TMEM120B: variants seen among roughly 807,000 people sequenced by gnomAD.
The protein encoded by TMEM120B is transmembrane protein 120B.
A neutral mutation model predicts 55.5 loss-of-function variants in TMEM120B; 31 were observed. That is an observed-to-expected ratio of 0.56 (90% CI 0.42 to 0.75). The LOEUF (loss-of-function observed/expected upper bound fraction) is 0.75, where lower values mean the gene tolerates loss of function less well. TMEM120B is among the 30% of genes least tolerant of loss of function. The pLI, the probability that TMEM120B is intolerant of heterozygous loss-of-function variation, is 0.00. For synonymous variants in TMEM120B, 203 were observed against 176.3 expected (o/e 1.15, Z -1.20); for missense variants, 399 against 425.5 (o/e 0.94, Z 0.55).
intron 3 of TMEM120B, among the ~76,000 whole-genome samples, chr12:121,749,317 C>T (rs1314094624): frequency 1.3e-5 from 2 of 152,212 alleles, no homozygotes; most frequent in Non-Finnish European, 2.9e-5. Flanking sequence ...GTCTGCCTTC[C>T]TGCCCCTCTG....
At chr12:121,720,971 A>G (rs954852673) in intron 1 of TMEM120B, among the ~76,000 whole-genome samples, 1 of 152,158 alleles carries the variant, frequency 6.6e-6, no homozygotes, top group Admixed American at 6.6e-5. Flanking sequence ...GATGTTTCAC[A>G]TCTGTACTGG....
chr12:121,750,484 C>CCCCACA (rs201584920), intron 4 of TMEM120B, 45 bp downstream of exon 4: 15 of 1,516,882 alleles, frequency 9.9e-6, no homozygotes, highest in East Asian at 6.8e-5. Flanking sequence ...CTCACACCGC[C>CCCCACA]CCCACACCCA....
intron 1 of TMEM120B, among the ~76,000 whole-genome samples, chr12:121,739,499 G>A (rs951496043): frequency 6.6e-6 from 1 of 151,884 alleles, no homozygotes; most frequent in Non-Finnish European, 1.5e-5. Context: ...TTGGAACAGA[G>A]TCTCCCTCTG....
chr12:121,739,702 C>T (rs1024389478), intron 1 of TMEM120B, among the ~76,000 whole-genome samples: 2 of 151,540 alleles, frequency 1.3e-5, no homozygotes, highest in Non-Finnish European at 2.9e-5. Context: ...GAACTCCTGG[C>T]CTCAAGTGAT....
intron 5 of TMEM120B, among the ~76,000 whole-genome samples, chr12:121,757,288 A>G (rs1329046247): frequency 6.6e-6 from 1 of 151,898 alleles, no homozygotes. Flanking sequence ...CAGCATCCCG[A>G]GTAGCTGAGA....
At chr12:121,740,467 A>G (rs1055683083) in intron 1 of TMEM120B, among the ~76,000 whole-genome samples, 7 of 152,028 alleles carry the variant, frequency 4.6e-5, no homozygotes, top group Non-Finnish European at 1.0e-4. Context: ...CCTGGGCAAC[A>G]AGAGTGAGAC....
intron 2 of TMEM120B, among the ~76,000 whole-genome samples, chr12:121,744,267 A>G (rs964736259): frequency 6.6e-5 from 10 of 152,168 alleles, no homozygotes; most frequent in African/African-American, 2.4e-4. Flanking sequence ...TTCTGGGTTC[A>G]GTCCTCATTG....
intron 1 of TMEM120B, among the ~76,000 whole-genome samples, chr12:121,725,186 G>A (rs927835662): frequency 1.3e-5 from 2 of 152,148 alleles, no homozygotes; most frequent in Non-Finnish European, 2.9e-5. Context: ...CAGCTGGGGA[G>A]CTGGGGTTTG....
Position 121,779,447 on chromosome 12 carries a change from C to T in TMEM120B, c.*3725C>T, listed in dbSNP as rs371789329. ...GGCAGCCTCCCTGGTGCAATCGGCA[C>T]CTGGGCCCCCGGGCCCTGTCAGTGC... On this transcript the variant is annotated 3_prime_UTR_variant, in exon 12 of 12. Coordinates refer to ENST00000449592, the MANE Select transcript of TMEM120B (RefSeq NM_001080825.2). 4 of 1,590,636 alleles carry T rather than the reference C, an allele frequency of 2.5e-6. No individual in the cohort carries two copies. The highest frequency in any genetic ancestry group is 1.7e-5 in the Admixed American group (1 of 58,864).
In TMEM120B at chr12:121,761,711, A is replaced by T. The variant is rs1472253667; in HGVS notation, c.524A>T (p.Glu175Val). The change falls in exon 6 of 12, where the codon GAG (glutamate) becomes GTG (valine). Residue 175 changes from glutamate to valine, a missense_variant. Physicochemically the swap from Glu to Val is moderately radical, Grantham distance 121. Coordinates refer to ENST00000449592, the MANE Select transcript of TMEM120B (RefSeq NM_001080825.2). ...VWYYCTLTIRESILISNGSRI... is the reference protein window; with the variant it reads ...VWYYCTLTIRVSILISNGSRI... ...TATTACTGCACCCTGACCATTCGGGAGAGCATTCTCATCAGCAACGGCTCA... is the reference window on the plus strand; with the variant it reads ...TATTACTGCACCCTGACCATTCGGGTGAGCATTCTCATCAGCAACGGCTCA... The T allele has an allele frequency of 2.5e-6, 4 of 1,613,916 alleles. No individual in the cohort carries two copies. Among genetic ancestry groups the T allele is most frequent in the Non-Finnish European group, 3.4e-6 (4 of 1,179,902 alleles).
At chr12:121,715,104 G>A (rs1374851292) in intron 1 of TMEM120B, among the ~76,000 whole-genome samples, 1 of 152,082 alleles carries the variant, frequency 6.6e-6, no homozygotes, top group African/African-American at 2.4e-5. Context: ...TTGGGAGACC[G>A]AGGCGGGTGG....
intron 2 of TMEM120B, among the ~76,000 whole-genome samples, 177 bp from the exon 3 acceptor site, chr12:121,748,149 G>A (rs1288649991): frequency 7.1e-4 from 60 of 84,106 alleles, no homozygotes; most frequent in South Asian, 1.8e-3. Flanking sequence ...TGGGAGGCTG[G>A]GGTAGAAGGT....
Position 121,766,074 on chromosome 12 carries a change from C to T in TMEM120B, c.551+4336C>T, listed in dbSNP as rs187691391. Among the ~76,000 whole-genome samples the T allele has an allele frequency of 5.9e-5, 9 of 152,272 alleles. No homozygotes were observed. In the East Asian group the frequency reaches 1.2e-3, roughly 20 times the overall value. On this transcript the variant is annotated intron_variant, in intron 6 of 11. Coordinates refer to ENST00000449592, the MANE Select transcript of TMEM120B (RefSeq NM_001080825.2). ...TGGGGCCATCACGGCATTCTAGAGA[C>T]GGCGTCGCTGAACCCTACGGGCCTC...
intron 1 of TMEM120B, among the ~76,000 whole-genome samples, chr12:121,724,112 A>G (rs1449354634): frequency 7.6e-6 from 1 of 131,890 alleles, no homozygotes; most frequent in Non-Finnish European, 1.5e-5. Flanking sequence ...ATCTCCACTC[A>G]CTGCATCCTT....
At chr12:121,747,143 A>C (rs1342963846) in intron 2 of TMEM120B, among the ~76,000 whole-genome samples, 3 of 152,132 alleles carry the variant, frequency 2.0e-5, no homozygotes, top group Non-Finnish European at 4.4e-5. Context: ...ATGGAAAATA[A>C]GGCAGAGAGG....
rs555115319 is a variant in TMEM120B at position 121,758,654 on chromosome 12, G to A, written c.462-2995G>A. ...ATGGAGGAGGACGGCCCAGCCCCGCGCTGTGGTCACCATGGAGGAGGATGG... is the reference window on the plus strand; with the variant it reads ...ATGGAGGAGGACGGCCCAGCCCCGCACTGTGGTCACCATGGAGGAGGATGG... On this transcript the variant is annotated intron_variant, in intron 5 of 11. Coordinates refer to ENST00000449592, the MANE Select transcript of TMEM120B (RefSeq NM_001080825.2). 3.8e-4 allele frequency: 367 copies of A among 967,714 alleles called. 2 individuals are homozygous for A. In the African/African-American group the frequency reaches 6.0e-3, roughly 16 times the overall value. The allele number at this position is 967,714 out of a possible 1,614,324, so 59.9% of individuals were successfully genotyped here. A position where few individuals can be genotyped will look rare whatever the true frequency, so the allele number is the denominator to read the frequency against.
intron 1 of TMEM120B, among the ~76,000 whole-genome samples, chr12:121,713,735 G>A (rs984656044): frequency 6.6e-6 from 1 of 152,128 alleles, no homozygotes; most frequent in African/African-American, 2.4e-5. Context: ...GTTCAGAGAG[G>A]CCCCAGCTAC....
At chr12:121,759,018 AT>A in intron 5 of TMEM120B, 1 of 985,296 alleles carries the variant, frequency 1.0e-6, no homozygotes. Context: ...GCCCACTGGG[AT>A]TTTTTTATAT....
At chr12:121,761,814 C>A in intron 6 of TMEM120B, 76 bp downstream of exon 6, 2 of 1,162,448 alleles carry the variant, frequency 1.7e-6, no homozygotes, top group South Asian at 1.3e-5. Flanking sequence ...CAGATGGGGG[C>A]CGACACCCTC....
Sources: allele counts gnomAD v4.1 joint callset (sites outside exome capture counted in the v4.1 genomes callset), GRCh38; gene constraint gnomAD v4.1.1; transcripts MANE v1.5; gene names NCBI Gene and HGNC (gene_info 2026-07-23, HGNC 2026-07-21).